The following ADAM18 variants were observed in gnomAD, a reference collection of about 807,000 sequenced individuals.
ADAM18 encodes the protein ADAM metallopeptidase domain 18.
ADAM18 carries 117 observed loss-of-function variants against 94.4 expected under a neutral mutation model. The ratio of observed to expected loss-of-function variants is 1.24; its 90% CI spans 1.07 to 1.45. The LOEUF is 1.45. ADAM18 is among the 40% of genes most tolerant of loss of function. ADAM18 has a pLI of 0.00. For synonymous variants in ADAM18, 327 were observed against 291.6 expected, an observed-to-expected ratio of 1.12 and a Z score of -1.24; for missense variants, 936 against 880.0, an observed-to-expected ratio of 1.06 and a Z score of -0.81.
chr8:39,645,591 T>A (rs952652338), intron 11 of ADAM18, 117 bp downstream of exon 11: 52 of 1,002,358 alleles, frequency 5.2e-5, no homozygotes, highest in Middle Eastern at 3.2e-4. Flanking sequence ...AGTTACATCA[T>A]GCTTGTAAAG....
intron 2 of ADAM18, among the ~76,000 whole-genome samples, chr8:39,598,969 G>A (rs867232285): frequency 4.6e-5 from 7 of 151,790 alleles, no homozygotes; most frequent in African/African-American, 2.4e-5. Context: ...CCACCAACAC[G>A]CCCGGCTAAT....
chr8:39,665,004 A>C (rs1585957128), intron 13 of ADAM18, among the ~76,000 whole-genome samples: 1 of 152,152 alleles, frequency 6.6e-6, no homozygotes, highest in Admixed American at 6.5e-5. Flanking sequence ...GTGTCAGAAG[A>C]AACATATTTA....
At chr8:39,704,583 A>G (rs1822186685) in intron 17 of ADAM18, among the ~76,000 whole-genome samples, 1 of 152,148 alleles carries the variant, frequency 6.6e-6, no homozygotes, top group African/African-American at 2.4e-5. Context: ...AAATTCTATA[A>G]TGTGACTTTG....
intron 11 of ADAM18, among the ~76,000 whole-genome samples, chr8:39,646,949 A>C (rs1320345349): frequency 6.6e-6 from 1 of 152,102 alleles, no homozygotes; most frequent in Non-Finnish European, 1.5e-5. Flanking sequence ...ATCTCTCTGG[A>C]GGGTAACATT....
chr8:39,680,096 A>G lies in ADAM18; in HGVS notation c.1691A>G (p.Asp564Gly). ...CCACATAAAAATGCTAATAAAAGTG[A>G]CGCTCAATCTACAGTTTATTCATAT... The part of the protein sequence containing the change: ...VQPHKNANKS[D>G]AQSTVYSYIQ... Residue 564 changes from aspartate to glycine, a missense_variant, in exon 16 of 20, where the codon GAC becomes GGC. By Grantham distance (94) the Asp-to-Gly change is moderately conservative. Transcript: ENST00000265707. The G allele has an allele frequency of 6.2e-7, 1 of 1,613,868 alleles. No homozygotes were observed. Among genetic ancestry groups the G allele is most frequent in the Non-Finnish European group, 8.5e-7 (1 of 1,179,880 alleles).
chr8:39,601,228 T>C (rs1396055210), intron 2 of ADAM18, among the ~76,000 whole-genome samples: 1 of 152,254 alleles, frequency 6.6e-6, no homozygotes, highest in East Asian at 1.9e-4. Flanking sequence ...CAATTTGATA[T>C]GAGATTTGAG....
intron 12 of ADAM18, among the ~76,000 whole-genome samples, chr8:39,660,597 A>C (rs994940485): frequency 6.6e-6 from 1 of 152,212 alleles, no homozygotes; most frequent in Non-Finnish European, 1.5e-5. Flanking sequence ...TAAGGTAAAT[A>C]TTAACAGACA....
At chr8:39,671,154 G>A (rs905030287) in intron 14 of ADAM18, among the ~76,000 whole-genome samples, 2 of 152,236 alleles carry the variant, frequency 1.3e-5, no homozygotes, top group Admixed American at 6.5e-5. Flanking sequence ...TGAGAGTGGA[G>A]TGAGTAAATA....
At position 39,608,991 on chromosome 8, in the gene ADAM18, A is replaced by T. The variant is rs960623203; in HGVS notation, c.189-51A>T. On this transcript the variant is annotated intron_variant, in intron 3 of 19. Transcript: ENST00000265707. Reference sequence around the variant, plus strand: ...AATGTATGTAATATTTGTTTTTAACATTATATTAAGATTATGATTCATACT... The same window carrying T: ...AATGTATGTAATATTTGTTTTTAACTTTATATTAAGATTATGATTCATACT... 5 of 1,049,640 alleles carry T rather than the reference A, an allele frequency of 4.8e-6. No homozygotes were observed. The Admixed American group carries it at 1.3e-4, about 27-fold the overall frequency. The allele number at this position is 1,049,640 out of a possible 1,614,324, so 65.0% of individuals were successfully genotyped here. A position where few individuals can be genotyped will look rare whatever the true frequency, so the allele number is the denominator to read the frequency against.
intron 19 of ADAM18, among the ~76,000 whole-genome samples, chr8:39,724,225 A>T (rs561587061): frequency 1.2e-4 from 18 of 151,666 alleles, no homozygotes; most frequent in Admixed American, 4.6e-4. Flanking sequence ...TGTTGGTTTT[A>T]CTTACCATTT....
At chr8:39,706,982 T>C (rs534150199) in intron 18 of ADAM18, 78 bp downstream of exon 18, 1 of 794,748 alleles carries the variant, frequency 1.3e-6, no homozygotes, top group African/African-American at 1.7e-5. Flanking sequence ...TAAGTCATCT[T>C]GAATGGTAGC....
At chr8:39,710,980 T>C (rs1194089477) in intron 18 of ADAM18, among the ~76,000 whole-genome samples, 1 of 152,192 alleles carries the variant, frequency 6.6e-6, no homozygotes, top group Non-Finnish European at 1.5e-5. Flanking sequence ...AAAGTCTGGC[T>C]CAGTGTAAAA....
intron 14 of ADAM18, among the ~76,000 whole-genome samples, chr8:39,674,844 C>T (rs1254230598): frequency 6.6e-6 from 1 of 152,160 alleles, no homozygotes; most frequent in African/African-American, 2.4e-5. Context: ...TCAGCATTTG[C>T]TTGTCTGTAA....
chr8:39,637,767 G>T, intron 9 of ADAM18, 64 bp downstream of exon 9: 1 of 1,395,548 alleles, frequency 7.2e-7, no homozygotes, highest in Non-Finnish European at 9.4e-7. Context: ...GTAATTTAGT[G>T]AATTTATTGC....
intron 6 of ADAM18, among the ~76,000 whole-genome samples, chr8:39,623,206 C>A (rs1275989144): frequency 1.3e-5 from 2 of 152,176 alleles, no homozygotes; most frequent in Non-Finnish European, 2.9e-5. Flanking sequence ...TTTTTTATGG[C>A]TGAGTAGCAT....
In ADAM18 at chr8:39,719,030, T is replaced by C. The variant is rs560798081; in HGVS notation, c.2018-4718T>C. Among the ~76,000 whole-genome samples, 9 of 150,674 alleles carry C rather than the reference T, an allele frequency of 6.0e-5. No homozygotes were observed. In the South Asian group the frequency reaches 1.9e-3, roughly 31 times the overall value. On this transcript the variant is annotated intron_variant, in intron 18 of 19. Coordinates refer to ENST00000265707, the MANE Select transcript of ADAM18 (RefSeq NM_014237.3). ...ATTGTAAAACTCAAAGGACCAAGAA[T>C]AGTTAAAATGACTTTGAAAAAAAAA...
chr8:39,634,793 G>A (rs980780896), intron 7 of ADAM18, among the ~76,000 whole-genome samples: 9 of 152,132 alleles, frequency 5.9e-5, no homozygotes, highest in Non-Finnish European at 1.3e-4. Context: ...CTCATATAAT[G>A]TTTAGGTGAG....
chr8:39,637,321 G>A lies in ADAM18; in HGVS notation c.646G>A (p.Gly216Arg). ...AACACAAAAAATTGTCCAGGTTATT[G>A]GGCTTGTCAACACTGTAAGTTTTTA... ...AVTQKIVQVI[G>R]LVNTMFTQFK... is the part of the protein sequence containing the mutation. The change falls in exon 8 of 20, where the codon GGG becomes AGG. Residue 216 changes from glycine (G) to arginine (R), a missense_variant. Physicochemically the swap from Gly to Arg is moderately radical, Grantham distance 125 (BLOSUM62 -2). Transcript: ENST00000265707. 6.2e-7 allele frequency: 1 copy of A among 1,605,496 alleles called. No homozygotes were observed. The highest frequency in any genetic ancestry group is 1.1e-5 in the South Asian group (1 of 89,332).
At chr8:39,610,732 G>A (rs1819249953) in intron 6 of ADAM18, 26 bp downstream of exon 6, 1 of 1,606,096 alleles carries the variant, frequency 6.2e-7, no homozygotes, top group South Asian at 1.1e-5. Flanking sequence ...CTGATGTTAT[G>A]ACATACTAGA....
Sources: allele counts gnomAD v4.1 joint callset (sites outside exome capture counted in the v4.1 genomes callset), GRCh38; gene constraint gnomAD v4.1.1; transcripts MANE v1.5; gene names NCBI Gene and HGNC (gene_info 2026-07-23, HGNC 2026-07-21).